The following SEMA3D variants were observed in gnomAD, a reference collection of about 807,000 sequenced individuals.
SEMA3D encodes semaphorin 3D, also known as semaphorin-3D.
A neutral mutation model predicts 100.1 loss-of-function variants in SEMA3D; 84 were observed. That is an observed-to-expected ratio of 0.84 (90% CI 0.70 to 1.01). SEMA3D has a LOEUF of 1.01. Among genes scored for constraint, SEMA3D ranks in the 50% least tolerant of loss-of-function variants. SEMA3D has a pLI of 0.00. For missense variants in SEMA3D, 875 were observed against 934.1 expected (o/e 0.94, Z 0.82); for synonymous variants, 312 against 320.7 (o/e 0.97, Z 0.29).
intron 13 of SEMA3D, among the ~76,000 whole-genome samples, chr7:85,021,562 C>G (rs1790257639): frequency 6.6e-6 from 1 of 151,736 alleles, no homozygotes; most frequent in South Asian, 2.1e-4. Context: ...CTATAAGATC[C>G]ATAATTTTTA....
intron 1 of SEMA3D, among the ~76,000 whole-genome samples, chr7:85,168,106 G>A (rs936332236): frequency 6.6e-6 from 1 of 151,726 alleles, no homozygotes; most frequent in Non-Finnish European, 1.5e-5. Context: ...TCTTATCATA[G>A]TCTAATGGCT....
At chr7:85,099,756 T>C (rs1788685382) in intron 3 of SEMA3D, among the ~76,000 whole-genome samples, 1 of 151,964 alleles carries the variant, frequency 6.6e-6, no homozygotes, top group South Asian at 2.1e-4. Flanking sequence ...ATTGTTTCAA[T>C]TTGTATTTTG....
the SEMA3D span, among the ~76,000 whole-genome samples, chr7:85,212,634 ATTAAAATT>A: frequency 6.6e-6 from 1 of 152,006 alleles, no homozygotes; most frequent in African/African-American, 2.4e-5. Flanking sequence ...TCTTTTTAAT[ATTAAAATT>A]TTATAATGCT....
At chr7:85,158,039 C>A (rs1226367746) in intron 1 of SEMA3D, among the ~76,000 whole-genome samples, 19 of 152,166 alleles carry the variant, frequency 1.2e-4, no homozygotes, top group African/African-American at 1.4e-4. Context: ...TTAATCCTAT[C>A]ATCTTCGCAA....
rs1789575167 is a variant in SEMA3D at position 84,998,931 on chromosome 7, TG to T, written c.*508del. ...TCCTATACCATTCTCCAGGAGTGAATGGCTCACTGAGAAAGTTCCTGTTGAT... is the reference window on the plus strand; with the variant it reads ...TCCTATACCATTCTCCAGGAGTGAATGCTCACTGAGAAAGTTCCTGTTGAT... On this transcript the variant is annotated 3_prime_UTR_variant, in exon 19 of 19. Coordinates refer to ENST00000284136, the MANE Select transcript of SEMA3D (RefSeq NM_001384900.1). 6.4e-6 allele frequency: 1 copy of T among 157,282 alleles called. No homozygotes were observed. The highest frequency in any genetic ancestry group is 1.9e-4 in the East Asian group (1 of 5,352). 9.7% of individuals were successfully genotyped at this position (157,282 alleles called of 1,614,324 possible).
At chr7:85,000,950 G>A (rs1789638784) in intron 18 of SEMA3D, among the ~76,000 whole-genome samples, 1 of 152,150 alleles carries the variant, frequency 6.6e-6, no homozygotes, top group Non-Finnish European at 1.5e-5. Context: ...CTGTATTGTA[G>A]ACTTTTAGAT....
intron 4 of SEMA3D, among the ~76,000 whole-genome samples, chr7:85,088,184 T>A (rs2116267695): frequency 6.6e-6 from 1 of 152,300 alleles, no homozygotes; most frequent in Middle Eastern, 3.4e-3. Context: ...TTTAGTAAGG[T>A]GAAAATGTCA....
chr7:85,235,097 C>G, the SEMA3D span, among the ~76,000 whole-genome samples: 3 of 152,180 alleles, frequency 2.0e-5, no homozygotes, highest in Non-Finnish European at 4.4e-5. Context: ...TGCTCAGTAG[C>G]ACCTCTGGGC....
intron 6 of SEMA3D, among the ~76,000 whole-genome samples, chr7:85,068,792 C>T (rs545348541): frequency 7.9e-5 from 12 of 151,938 alleles, no homozygotes; most frequent in South Asian, 2.1e-4. Flanking sequence ...TGTTCTAAGG[C>T]GGGCAGTTCA....
At chr7:85,055,209 G>A (rs1031552794) in intron 9 of SEMA3D, among the ~76,000 whole-genome samples, 6 of 152,008 alleles carry the variant, frequency 3.9e-5, no homozygotes, top group East Asian at 1.9e-4. Flanking sequence ...TGTGATGTGC[G>A]TGATGATAAA....
chr7:85,043,557 T>A (rs1003518880), intron 9 of SEMA3D, among the ~76,000 whole-genome samples: 1 of 152,126 alleles, frequency 6.6e-6, no homozygotes, highest in Non-Finnish European at 1.5e-5. Flanking sequence ...TCCTCATTTT[T>A]AAATTAATAT....
At chr7:85,060,581 T>C (rs956384780) in intron 8 of SEMA3D, among the ~76,000 whole-genome samples, 1 of 152,180 alleles carries the variant, frequency 6.6e-6, no homozygotes, top group African/African-American at 2.4e-5. Context: ...CATTTTCAGA[T>C]GAACTTCTAG....
the SEMA3D span, among the ~76,000 whole-genome samples, chr7:85,216,357 TTGTGTGTGTGTGTG>T: frequency 3.4e-5 from 5 of 146,152 alleles, no homozygotes; most frequent in East Asian, 2.0e-4. Context: ...AATAAGAGTG[TTGTGTGTGTGTGTG>T]TGTGTGTGTG....
At chr7:85,246,841 C>T in the SEMA3D span, among the ~76,000 whole-genome samples, 1 of 151,208 alleles carries the variant, frequency 6.6e-6, no homozygotes, top group Non-Finnish European at 1.5e-5. Flanking sequence ...AGATGAGCCT[C>T]CGTATAGTAG....
chr7:85,087,863 A>G (rs559039911), intron 4 of SEMA3D, among the ~76,000 whole-genome samples: 1 of 152,206 alleles, frequency 6.6e-6, no homozygotes, highest in East Asian at 1.9e-4. Context: ...TTTCTTTTAG[A>G]GTTGTATAGC....
intron 1 of SEMA3D, chr7:85,167,268 G>C: frequency 3.0e-6 from 3 of 984,940 alleles, no homozygotes; most frequent in Non-Finnish European, 3.6e-6. Flanking sequence ...GTCTTGGCTG[G>C]TTAAATAGAG....
At chr7:85,061,276 C>T (rs368732732) in intron 8 of SEMA3D, among the ~76,000 whole-genome samples, 187 of 152,200 alleles carry the variant, frequency 1.2e-3, no homozygotes, top group Middle Eastern at 6.8e-3. Context: ...AGGATTCCTA[C>T]TTTTTAAGTC....
chr7:85,093,099 T>G (rs1003942499), intron 4 of SEMA3D, among the ~76,000 whole-genome samples: 2 of 151,900 alleles, frequency 1.3e-5, no homozygotes, highest in African/African-American at 4.8e-5. Context: ...AAAACTTTTA[T>G]GTTTCCCTTG....
the SEMA3D span, among the ~76,000 whole-genome samples, chr7:85,226,899 T>C: frequency 6.6e-6 from 1 of 152,198 alleles, no homozygotes; most frequent in African/African-American, 2.4e-5. Flanking sequence ...TATAAAGATT[T>C]ATCTATACAT....
Sources: gnomAD v4.1 joint callset for allele counts (sites outside exome capture counted in the v4.1 genomes callset) on GRCh38, gnomAD v4.1.1 for gene constraint, MANE v1.5 for transcripts, NCBI Gene and HGNC (gene_info 2026-07-23, HGNC 2026-07-21) for gene names.